Variants in WDR7 observed in about 807,000 individuals in gnomAD.
WDR7 encodes WD repeat-containing protein 7.
In WDR7, 46 loss-of-function variants were observed where a neutral mutation model predicts 169.4. That is an observed-to-expected ratio of 0.27 (90% CI 0.21 to 0.35). The LOEUF is 0.35. WDR7 is among the 10% of genes least tolerant of loss of function. The pLI is 1.00. For synonymous variants in WDR7, 612 were observed against 666.8 expected (o/e 0.92, Z 1.27); for missense variants, 1,534 against 1,859.3 (o/e 0.83, Z 3.22).
chr18:56,862,543 T>C (rs2045822437), intron 20 of WDR7, among the ~76,000 whole-genome samples: 1 of 151,710 alleles, frequency 6.6e-6, no homozygotes, highest in African/African-American at 2.4e-5. Flanking sequence ...TTTATATCTT[T>C]ACATTTCAGT....
chr18:57,011,684 G>T (rs7242445), intron 26 of WDR7, among the ~76,000 whole-genome samples: 119,190 of 152,084 alleles, frequency 0.78, 48,008 homozygotes, highest in East Asian at 0.88. Flanking sequence ...ATAAACACTC[G>T]GTTTTCAACT....
chr18:56,816,832 A>G (rs1479397213), intron 20 of WDR7, among the ~76,000 whole-genome samples: 2 of 152,218 alleles, frequency 1.3e-5, no homozygotes, highest in African/African-American at 4.8e-5. Flanking sequence ...TATTAAGAAT[A>G]ATAAGCTTTT....
At chr18:56,734,146 G>T (rs1054595344) in intron 14 of WDR7, among the ~76,000 whole-genome samples, 4 of 152,096 alleles carry the variant, frequency 2.6e-5, no homozygotes, top group Non-Finnish European at 5.9e-5. Context: ...GCTCAGTTTT[G>T]CATTCTTCCT....
intron 2 of WDR7, among the ~76,000 whole-genome samples, chr18:56,673,708 G>T (rs1452800176): frequency 2.0e-5 from 3 of 151,922 alleles, no homozygotes; most frequent in Non-Finnish European, 4.4e-5. Context: ...GGTGGTGCAT[G>T]CCTGTAGTCC....
At chr18:56,761,969 A>T (rs183551608) in intron 16 of WDR7, among the ~76,000 whole-genome samples, 76 of 152,126 alleles carry the variant, frequency 5.0e-4, no homozygotes, top group African/African-American at 1.8e-3. Flanking sequence ...AACCTTTCAT[A>T]ATTATGATAT....
chr18:56,816,101 C>T lies in WDR7; in HGVS notation c.3261C>T (p.Val1087=), dbSNP rs1404773387. Residue 1087 remains valine, a synonymous_variant, in exon 20 of 28, where the codon GTC becomes GTT. Coordinates refer to ENST00000254442, the MANE Select transcript of WDR7 (RefSeq NM_015285.3). The part of the protein sequence containing the change: ...APDASGPEAK[V]QEEEHDLVDD... The stretch of plus-strand genomic sequence containing the variant: ...ATGCCTCAGGGCCTGAAGCAAAAGT[C>T]CAGGAGGAAGAGCATGACCTTGTTG... The T allele has an allele frequency of 6.2e-7, 1 of 1,613,808 alleles. No individual in the cohort carries two copies. The highest frequency in any genetic ancestry group is 8.5e-7 in the Non-Finnish European group (1 of 1,179,912).
At chr18:56,685,253 G>T (rs1425154515) in intron 5 of WDR7, among the ~76,000 whole-genome samples, 2 of 152,158 alleles carry the variant, frequency 1.3e-5, no homozygotes, top group East Asian at 3.9e-4. Context: ...CATTAGGATA[G>T]GTACTGTTGT....
At chr18:56,997,211 A>G (rs972951619) in intron 26 of WDR7, among the ~76,000 whole-genome samples, 4 of 152,236 alleles carry the variant, frequency 2.6e-5, no homozygotes, top group Non-Finnish European at 4.4e-5. Flanking sequence ...ATTCTTCTCC[A>G]TGCTCCCTGG....
intron 26 of WDR7, among the ~76,000 whole-genome samples, chr18:56,967,930 A>C (rs1228994280): frequency 6.6e-6 from 1 of 152,236 alleles, no homozygotes; most frequent in Non-Finnish European, 1.5e-5. Context: ...ACCAAAAAAA[A>C]GTCTATACAC....
chr18:56,670,928 C>T (rs1352893956), intron 1 of WDR7, among the ~76,000 whole-genome samples: 1 of 152,196 alleles, frequency 6.6e-6, no homozygotes, highest in Non-Finnish European at 1.5e-5. Context: ...CTTTCTTTGA[C>T]TATTCCAGTC....
intron 26 of WDR7, among the ~76,000 whole-genome samples, chr18:56,978,358 A>G (rs539513931): frequency 6.6e-6 from 1 of 152,288 alleles, no homozygotes; most frequent in South Asian, 2.1e-4. Context: ...TTTAGTGGTA[A>G]CCATGCATGC....
chr18:56,941,854 G>A (rs920501331), intron 25 of WDR7, among the ~76,000 whole-genome samples: 6 of 152,158 alleles, frequency 3.9e-5, no homozygotes, highest in African/African-American at 1.2e-4. Context: ...CCATCTGAGC[G>A]AGAGTGTCTG....
chr18:57,027,265 T>A lies in WDR7; in HGVS notation c.*58T>A. On this transcript the variant is annotated 3_prime_UTR_variant, in exon 28 of 28. Coordinates refer to ENST00000254442, the MANE Select transcript of WDR7 (RefSeq NM_015285.3). ...TTCTCTAAATTATCCAAGCCGATGTTGCTCTGTCCTTCCTCACACCAGATT... is the reference window on the plus strand; with the variant it reads ...TTCTCTAAATTATCCAAGCCGATGTAGCTCTGTCCTTCCTCACACCAGATT... The A allele has an allele frequency of 6.5e-7, 1 of 1,538,256 alleles. No individual in the cohort carries two copies. The highest frequency in any genetic ancestry group is 1.2e-5 in the South Asian group (1 of 82,888).
intron 26 of WDR7, among the ~76,000 whole-genome samples, chr18:56,994,122 C>G (rs1320234635): frequency 6.6e-6 from 1 of 151,166 alleles, no homozygotes; most frequent in Admixed American, 6.6e-5. Flanking sequence ...TGGGCTCAAG[C>G]AATCCTCCCA....
At chr18:56,729,343 A>G (rs2026532557) in intron 13 of WDR7, among the ~76,000 whole-genome samples, 2 of 152,140 alleles carry the variant, frequency 1.3e-5, no homozygotes, top group African/African-American at 4.8e-5. Flanking sequence ...AAAAATTGAT[A>G]TGTTACAAAT....
At chr18:56,791,412 A>G (rs2044483399) in intron 19 of WDR7, among the ~76,000 whole-genome samples, 1 of 152,166 alleles carries the variant, frequency 6.6e-6, no homozygotes, top group Non-Finnish European at 1.5e-5. Flanking sequence ...TTATTTTTAT[A>G]TATCTTTATA....
intron 20 of WDR7, among the ~76,000 whole-genome samples, chr18:56,850,009 TTTCATGAATGTGGCC>T (rs911677823): frequency 1.3e-5 from 2 of 152,200 alleles, no homozygotes; most frequent in African/African-American, 2.4e-5. Flanking sequence ...CTTTTTTTTG[TTTCATGAATGTGGCC>T]TTCATGAATG....
intron 1 of WDR7, among the ~76,000 whole-genome samples, chr18:56,663,125 C>A (rs1315732754): frequency 6.6e-6 from 1 of 152,232 alleles, no homozygotes; most frequent in Non-Finnish European, 1.5e-5. Flanking sequence ...ACCCTTCTTA[C>A]AAGGACACCA....
chr18:56,991,814 A>T (rs2047822751), intron 26 of WDR7, among the ~76,000 whole-genome samples: 1 of 152,244 alleles, frequency 6.6e-6, no homozygotes, highest in Non-Finnish European at 1.5e-5. Context: ...ATCTCTAAGA[A>T]CAAACTGTTA....
Sources: gnomAD v4.1 joint callset for allele counts (sites outside exome capture counted in the v4.1 genomes callset) on GRCh38, gnomAD v4.1.1 for gene constraint, MANE v1.5 for transcripts, NCBI Gene and HGNC (gene_info 2026-07-23, HGNC 2026-07-21) for gene names.